The following SCAMP1 variants were observed in gnomAD, a reference collection of about 807,000 sequenced individuals.
SCAMP1 encodes secretory carrier-associated membrane protein 1.
Under a neutral mutation model 41.8 loss-of-function variants are expected in SCAMP1, and 15 were observed. The ratio of observed to expected loss-of-function variants is 0.36; its 90% CI spans 0.24 to 0.55. The LOEUF (loss-of-function observed/expected upper bound fraction) is 0.55. Ranked by LOEUF, SCAMP1 falls within the 20% of genes least tolerant of loss-of-function variation. The pLI, the probability that SCAMP1 is intolerant of heterozygous loss-of-function variation, is 0.86. For synonymous variants in SCAMP1, 135 were observed against 136.8 expected (o/e 0.99, Z 0.09); for missense variants, 341 against 412.6 (o/e 0.83, Z 1.50).
At chr5:78,364,384 A>G (rs1750741705) in intron 1 of SCAMP1, among the ~76,000 whole-genome samples, 1 of 152,252 alleles carries the variant, frequency 6.6e-6, no homozygotes, top group African/African-American at 2.4e-5. Flanking sequence ...CATTATGGAA[A>G]TAACATTTAA....
Position 78,479,190 on chromosome 5 carries a change from A to G in SCAMP1, c.*3522A>G, listed in dbSNP as rs571932584. On this transcript the variant is annotated 3_prime_UTR_variant, in exon 9 of 9. Transcript: ENST00000621999. Reference sequence around the variant, plus strand: ...CATGGCTGTCATATACCATTTCACTATATCTCCTTTCAGTTTTTCCTTAAG... The same window carrying G: ...CATGGCTGTCATATACCATTTCACTGTATCTCCTTTCAGTTTTTCCTTAAG... 15 of 152,298 alleles carry G rather than the reference A, an allele frequency of 9.8e-5. No homozygotes were observed. Among genetic ancestry groups the G allele is most frequent in the Admixed American group, 2.0e-4 (3 of 15,298 alleles). 9.4% of individuals were successfully genotyped at this position (152,298 alleles called of 1,614,324 possible). A position where few individuals can be genotyped will look rare whatever the true frequency, so the allele number is the denominator to read the frequency against.
At chr5:78,390,897 A>G (rs1751473280) in intron 2 of SCAMP1, among the ~76,000 whole-genome samples, 1 of 150,840 alleles carries the variant, frequency 6.6e-6, no homozygotes, top group Admixed American at 6.6e-5. Context: ...AACAAAGCAC[A>G]TCTTGCACCG....
chr5:78,424,650 G>T (rs1010365704), intron 6 of SCAMP1, among the ~76,000 whole-genome samples: 2 of 152,104 alleles, frequency 1.3e-5, no homozygotes, highest in Non-Finnish European at 2.9e-5. Context: ...AACCCGGGAG[G>T]CAGAGGTTGC....
At chr5:78,454,819 CTT>C (rs1289595885) in intron 7 of SCAMP1, among the ~76,000 whole-genome samples, 1 of 152,130 alleles carries the variant, frequency 6.6e-6, no homozygotes, top group Non-Finnish European at 1.5e-5. Context: ...GTCCTGGACT[CTT>C]TTTGGTTGGT....
chr5:78,423,684 T>TTC (rs35171146), intron 6 of SCAMP1, among the ~76,000 whole-genome samples: 20,182 of 151,494 alleles, frequency 0.13, 1,715 homozygotes, highest in Non-Finnish European at 0.19. Context: ...CTTTTTTTTT[T>TTC]CCCCCATTTT....
chr5:78,393,213 G>C (rs1211384050), intron 2 of SCAMP1, among the ~76,000 whole-genome samples: 1 of 152,180 alleles, frequency 6.6e-6, no homozygotes, highest in Admixed American at 6.5e-5. Flanking sequence ...GTCTCACTCT[G>C]TTGCCCAGGC....
At position 78,404,887 on chromosome 5, in the gene SCAMP1, C is replaced by G. The variant is rs999151133; in HGVS notation, c.136-10633C>G. 3.3e-5 allele frequency among the ~76,000 whole-genome samples: 5 copies of G among 152,142 alleles called. No homozygotes were observed. The South Asian group carries it at 1.0e-3, about 31-fold the overall frequency. On this transcript the variant is annotated intron_variant, in intron 2 of 8. Transcript: ENST00000621999. ...AGTTCCTGGAGATAAAACAAAAGTG[C>G]GAGGGGACTCACCACATGAATGGGT...
rs751462134 is a variant in SCAMP1 at position 78,479,907 on chromosome 5, A to G, written c.*4239A>G. Among the ~76,000 whole-genome samples, 7 of 152,042 alleles carry G rather than the reference A, an allele frequency of 4.6e-5. No individual in the cohort carries two copies. The highest frequency in any genetic ancestry group is 6.6e-5 in the Admixed American group (1 of 15,248). Reference sequence around the variant, plus strand: ...AATACAAAAAAAAAATTAGCTGAGCATGGTGGCGGGCGCCTGTAGTCCCAG... The same window carrying G: ...AATACAAAAAAAAAATTAGCTGAGCGTGGTGGCGGGCGCCTGTAGTCCCAG... On this transcript the variant is annotated 3_prime_UTR_variant, in exon 9 of 9. Transcript: ENST00000621999.
intron 1 of SCAMP1, among the ~76,000 whole-genome samples, chr5:78,382,400 C>G (rs1252189714): frequency 2.0e-5 from 3 of 152,064 alleles, no homozygotes; most frequent in African/African-American, 7.3e-5. Context: ...CATACATATA[C>G]TACAATTTTG....
intron 8 of SCAMP1, among the ~76,000 whole-genome samples, chr5:78,472,404 G>T: frequency 6.6e-6 from 1 of 151,274 alleles, no homozygotes; most frequent in African/African-American, 2.4e-5. Flanking sequence ...CCACCCCCAA[G>T]TTGTGTAATT....
chr5:78,476,958 A>G lies in SCAMP1; in HGVS notation c.*1290A>G, dbSNP rs1754019901. 1 of 152,186 alleles carries G rather than the reference A, an allele frequency of 6.6e-6. No individual in the cohort carries two copies. Among genetic ancestry groups the G allele is most frequent in the Admixed American group, 6.5e-5 (1 of 15,278 alleles). 9.4% of individuals were successfully genotyped at this position (152,186 alleles called of 1,614,324 possible). ...CTTTGAATCAATTTTACCACTGATT[A>G]AATAAATGACTCAAAGACATCTGTA... On this transcript the variant is annotated 3_prime_UTR_variant, in exon 9 of 9. Coordinates refer to ENST00000621999, the MANE Select transcript of SCAMP1 (RefSeq NM_004866.6).
chr5:78,440,832 C>A (rs929042677), intron 6 of SCAMP1, among the ~76,000 whole-genome samples: 5 of 152,196 alleles, frequency 3.3e-5, no homozygotes, highest in Non-Finnish European at 7.3e-5. Context: ...GCAGGCAGGC[C>A]TCCTTGAGTT....
chr5:78,472,395 C>T (rs1322987303), intron 8 of SCAMP1, among the ~76,000 whole-genome samples: 3 of 151,850 alleles, frequency 2.0e-5, no homozygotes, highest in East Asian at 3.9e-4. Context: ...CCTTGCCCCC[C>T]ACCCCCAAGT....
chr5:78,405,225 T>C (rs1460914519), intron 2 of SCAMP1, among the ~76,000 whole-genome samples: 1 of 152,172 alleles, frequency 6.6e-6, no homozygotes, highest in Admixed American at 6.5e-5. Flanking sequence ...AAACTGAAAG[T>C]CCCCTTTACT....
chr5:78,419,041 G>C, intron 5 of SCAMP1, 138 bp downstream of exon 5: 1 of 730,910 alleles, frequency 1.4e-6, no homozygotes, highest in South Asian at 1.9e-5. Context: ...ATTTCAGAGT[G>C]AAACATATCC....
At chr5:78,360,960 C>A in intron 1 of SCAMP1, 3 of 532,196 alleles carry the variant, frequency 5.6e-6, no homozygotes, top group South Asian at 4.3e-5. Flanking sequence ...CCCTTCCACA[C>A]GTCCCCGACT....
At chr5:78,377,492 C>T (rs1053684436) in intron 1 of SCAMP1, among the ~76,000 whole-genome samples, 1 of 152,124 alleles carries the variant, frequency 6.6e-6, no homozygotes, top group African/African-American at 2.4e-5. Flanking sequence ...CAGGTTTCCT[C>T]GTGTCCAATT....
In SCAMP1 at chr5:78,435,163, A is replaced by G. The variant is rs191515945; in HGVS notation, c.632+13203A>G. 7.5e-4 allele frequency among the ~76,000 whole-genome samples: 114 copies of G among 152,348 alleles called. 1 individual carries two copies. Among genetic ancestry groups the G allele is most frequent in the African/African-American group, 2.6e-3 (109 of 41,576 alleles). ...AAATCATGAGATCTATAAATATAGA[A>G]AAGGAGAGCTTTATTTCTTACAGAG... On this transcript the variant is annotated intron_variant, in intron 6 of 8. Coordinates refer to ENST00000621999, the MANE Select transcript of SCAMP1 (RefSeq NM_004866.6).
At position 78,446,742 on chromosome 5, in the gene SCAMP1, A is replaced by G. The variant is rs192440704; in HGVS notation, c.633-3191A>G. The stretch of plus-strand genomic sequence containing the variant: ...TATTTTTCATTAATAATTTTTTCTC[A>G]GCTGTATGGTCATTAATACCAGCTT... On this transcript the variant is annotated intron_variant, in intron 6 of 8. Transcript: ENST00000621999. Among the ~76,000 whole-genome samples the G allele has an allele frequency of 3.3e-5, 5 of 152,278 alleles. No homozygotes were observed. In the South Asian group the frequency reaches 1.0e-3, roughly 32 times the overall value.
Sources: allele counts gnomAD v4.1 joint callset (sites outside exome capture counted in the v4.1 genomes callset), GRCh38; gene constraint gnomAD v4.1.1; transcripts MANE v1.5; gene names NCBI Gene and HGNC (gene_info 2026-07-23, HGNC 2026-07-21).